The following ARB2A variants were observed in gnomAD, a reference collection of about 807,000 sequenced individuals.
ARB2A encodes cotranscriptional regulator ARB2A.
chr5:93,662,532 T>C, the ARB2A span, among the ~76,000 whole-genome samples: 1 of 152,210 alleles, frequency 6.6e-6, no homozygotes, highest in Non-Finnish European at 1.5e-5. Context: ...TATGTTTGTA[T>C]GCTATATACC....
chr5:93,632,539 T>C, the ARB2A span, among the ~76,000 whole-genome samples: 99 of 152,312 alleles, frequency 6.5e-4, 1 homozygote, highest in East Asian at 5.6e-3. Context: ...TCCAAGTTCA[T>C]TGGAAGATCT....
At chr5:93,745,546 A>C in the ARB2A span, among the ~76,000 whole-genome samples, 1 of 152,130 alleles carries the variant, frequency 6.6e-6, no homozygotes, top group East Asian at 1.9e-4. Context: ...CTGGATAGGA[A>C]GGTGATCCTT....
At chr5:93,843,164 G>A in the ARB2A span, among the ~76,000 whole-genome samples, 1 of 152,138 alleles carries the variant, frequency 6.6e-6, no homozygotes, top group East Asian at 1.9e-4. Context: ...TAATTATAGC[G>A]AAGCTCAAAC....
At chr5:93,843,724 T>C in the ARB2A span, among the ~76,000 whole-genome samples, 1 of 151,896 alleles carries the variant, frequency 6.6e-6, no homozygotes, top group Middle Eastern at 3.4e-3. Context: ...ACAGCAGAAG[T>C]GAAAAATTCA....
chr5:93,905,445 G>T, the ARB2A span, among the ~76,000 whole-genome samples: 1 of 151,486 alleles, frequency 6.6e-6, no homozygotes, highest in South Asian at 2.1e-4. Flanking sequence ...AGGGTGAGGT[G>T]ATAACGTTAA....
the ARB2A span, chr5:93,860,725 G>A: frequency 6.6e-6 from 1 of 151,280 alleles, no homozygotes; most frequent in Non-Finnish European, 1.5e-5. Flanking sequence ...CACGATCTCG[G>A]CTCACTGCAA....
the ARB2A span, chr5:93,805,301 TG>T: frequency 3.0e-6 from 3 of 985,196 alleles, no homozygotes; most frequent in African/African-American, 5.2e-5. Flanking sequence ...GGCAATTCCT[TG>T]CTCCTTCACT....
chr5:93,648,688 G>A, the ARB2A span, among the ~76,000 whole-genome samples: 1 of 152,168 alleles, frequency 6.6e-6, no homozygotes, highest in Non-Finnish European at 1.5e-5. Flanking sequence ...CTGCATGCAT[G>A]GATGCTGAGG....
At chr5:93,672,719 C>A in the ARB2A span, among the ~76,000 whole-genome samples, 1 of 152,142 alleles carries the variant, frequency 6.6e-6, no homozygotes, top group Non-Finnish European at 1.5e-5. Context: ...TAGTCCAGAA[C>A]TAAACTGTGC....
chr5:93,876,233 A>C, the ARB2A span, among the ~76,000 whole-genome samples: 1 of 152,156 alleles, frequency 6.6e-6, no homozygotes, highest in African/African-American at 2.4e-5. Flanking sequence ...ATTACCACTA[A>C]ATTGATGACA....
At chr5:93,770,854 A>G in the ARB2A span, among the ~76,000 whole-genome samples, 3 of 152,216 alleles carry the variant, frequency 2.0e-5, no homozygotes, top group African/African-American at 7.2e-5. Context: ...GGAAGAATCA[A>G]TATCATGAAA....
chr5:93,992,496 C>T, the ARB2A span, among the ~76,000 whole-genome samples: 1 of 151,946 alleles, frequency 6.6e-6, no homozygotes, highest in Non-Finnish European at 1.5e-5. Context: ...TGGATTACAA[C>T]CAAATATACT....
the ARB2A span, among the ~76,000 whole-genome samples, chr5:93,668,172 C>G: frequency 6.6e-6 from 1 of 152,196 alleles, no homozygotes; most frequent in South Asian, 2.1e-4. Flanking sequence ...GGCCTGATCT[C>G]GGCTCACTGC....
the ARB2A span, among the ~76,000 whole-genome samples, chr5:93,631,594 T>A: frequency 6.6e-6 from 1 of 152,200 alleles, no homozygotes; most frequent in East Asian, 1.9e-4. Context: ...AAGAACAAGT[T>A]TCTGATTCTA....
chr5:93,764,371 C>T, the ARB2A span, among the ~76,000 whole-genome samples: 1 of 152,096 alleles, frequency 6.6e-6, no homozygotes, highest in African/African-American at 2.4e-5. Context: ...GGGGATATCA[C>T]CACCAATCCC....
chr5:93,913,971 C>T, the ARB2A span, among the ~76,000 whole-genome samples: 3 of 151,894 alleles, frequency 2.0e-5, no homozygotes, highest in Non-Finnish European at 4.4e-5. Flanking sequence ...ACTACACCCT[C>T]AAGATCAGTC....
the ARB2A span, among the ~76,000 whole-genome samples, chr5:93,629,374 T>A: frequency 2.6e-5 from 4 of 151,894 alleles, no homozygotes; most frequent in Non-Finnish European, 5.9e-5. Context: ...AAATGTGACA[T>A]AGAGACACAA....
the ARB2A span, among the ~76,000 whole-genome samples, chr5:93,771,501 C>G: frequency 6.6e-6 from 1 of 151,520 alleles, no homozygotes; most frequent in Non-Finnish European, 1.5e-5. Flanking sequence ...AAGAAACTAC[C>G]ATCAGAGTGA....
chr5:93,761,019 A>G, the ARB2A span, among the ~76,000 whole-genome samples: 1 of 152,216 alleles, frequency 6.6e-6, no homozygotes, highest in Non-Finnish European at 1.5e-5. Context: ...AAGGACTAAT[A>G]TCTAGAATCT....
Sources: allele counts gnomAD v4.1 joint callset (sites outside exome capture counted in the v4.1 genomes callset), GRCh38; gene constraint gnomAD v4.1.1; transcripts MANE v1.5; gene names NCBI Gene and HGNC (gene_info 2026-07-23, HGNC 2026-07-21).